PIGN: variants seen among roughly 807,000 people sequenced by gnomAD.
PIGN encodes the protein GPI ethanolamine phosphate transferase 1.
A neutral mutation model predicts 125.4 loss-of-function variants in PIGN; 117 were observed. The observed-to-expected ratio is 0.93, with a 90% CI of 0.80 to 1.09. The LOEUF (loss-of-function observed/expected upper bound fraction) is 1.09, where lower values mean the gene tolerates loss of function less well. Among genes scored for constraint, PIGN ranks in the 50% least tolerant of loss-of-function variants. PIGN has a pLI of 0.00. For missense variants in PIGN, 1,075 were observed against 1,094.9 expected (o/e 0.98, Z 0.26); for synonymous variants, 392 against 377.8 (o/e 1.04, Z -0.44).
At chr18:62,052,920 T>C in intron 30 of PIGN, 1 of 388,874 alleles carries the variant, frequency 2.6e-6, no homozygotes, top group Admixed American at 4.5e-5. Context: ...TCTCTCAGCA[T>C]TTGCTTGTCT....
rs2037846673 is a variant in PIGN at position 62,185,017 on chromosome 18, G to C, written c.-236+1827C>G. ...TCACAATAAATAATGAGTAGAATTG[G>C]GATCTGAACTTAAGCTTTTCTATCT... On this transcript the variant is annotated intron_variant, in intron 1 of 30. Transcript: ENST00000640252. Among the ~76,000 whole-genome samples, 2 of 152,110 alleles carry C rather than the reference G, an allele frequency of 1.3e-5. 1 individual carries two copies. The highest frequency in any genetic ancestry group is 4.1e-4 in the South Asian group (2 of 4,826).
At chr18:62,026,844 T>G (rs2030125245) in intron 23 of PIGN, among the ~76,000 whole-genome samples, 1 of 152,322 alleles carries the variant, frequency 6.6e-6, no homozygotes, top group African/African-American at 2.4e-5. Flanking sequence ...CCATGACTAC[T>G]GCAAATGTGC....
intron 14 of PIGN, among the ~76,000 whole-genome samples, chr18:62,124,147 T>C (rs569528322): frequency 4.6e-5 from 7 of 152,234 alleles, no homozygotes; most frequent in East Asian, 3.9e-4. Flanking sequence ...ACTATGTCTA[T>C]ATAATGAGCT....
At chr18:62,185,292 A>G (rs377369305) in intron 1 of PIGN, among the ~76,000 whole-genome samples, 2 of 152,300 alleles carry the variant, frequency 1.3e-5, no homozygotes, top group South Asian at 4.1e-4. Context: ...TGCCATTTCA[A>G]TTCTATTTGG....
At chr18:62,155,875 C>T (rs1203918120) in intron 6 of PIGN, among the ~76,000 whole-genome samples, 3 of 152,158 alleles carry the variant, frequency 2.0e-5, no homozygotes, top group African/African-American at 4.8e-5. Context: ...CCAAAGAAGG[C>T]AATATATAAA....
intron 23 of PIGN, among the ~76,000 whole-genome samples, chr18:62,033,932 C>T (rs1281323137): frequency 6.6e-6 from 1 of 152,190 alleles, no homozygotes; most frequent in Non-Finnish European, 1.5e-5. Context: ...AGTATTATCA[C>T]AGTATTACAG....
intron 1 of PIGN, among the ~76,000 whole-genome samples, chr18:62,172,758 A>G (rs2037384585): frequency 6.6e-6 from 1 of 152,214 alleles, no homozygotes; most frequent in East Asian, 1.9e-4. Flanking sequence ...TCCAAGGTTT[A>G]CTGAAGTAAC....
At chr18:62,167,275 T>TAG (rs2037174249) in intron 1 of PIGN, among the ~76,000 whole-genome samples, 2 of 145,546 alleles carry the variant, frequency 1.4e-5, no homozygotes, top group African/African-American at 5.3e-5. Context: ...TAGAGATATA[T>TAG]AGAGATATAT....
chr18:62,042,988 T>A lies in PIGN; in HGVS notation c.*2868A>T, dbSNP rs1234380523. 6.6e-6 allele frequency: 1 copy of A among 151,120 alleles called. No individual in the cohort carries two copies. The highest frequency in any genetic ancestry group is 1.9e-4 in the East Asian group (1 of 5,172). The allele number at this position is 151,120 out of a possible 1,614,324, so 9.4% of individuals were successfully genotyped here. A position where few individuals can be genotyped will look rare whatever the true frequency, so the allele number is the denominator to read the frequency against. On this transcript the variant is annotated 3_prime_UTR_variant, in exon 31 of 31. Transcript: ENST00000640252. ...GGAAAATGCTACAAAGATATTGCCA[T>A]AGTACTGAAAGCACACAGCATAACA...
chr18:62,105,377 A>T lies in PIGN; in HGVS notation c.1859+166T>A, dbSNP rs2034595648. 29 of 514,608 alleles carry T rather than the reference A, an allele frequency of 5.6e-5. No individual in the cohort carries two copies. In the South Asian group the frequency reaches 8.5e-4, roughly 15 times the overall value. The allele number at this position is 514,608 out of a possible 1,614,324, so 31.9% of individuals were successfully genotyped here. ...CCTACTAGGAGGTTTAATGACTCTT[A>T]GAACCTAGGCCAAAATCATGACTAA... On this transcript the variant is annotated intron_variant, in intron 20 of 30. Transcript: ENST00000640252.
chr18:62,044,815 A>G lies in PIGN; in HGVS notation c.*1041T>C, dbSNP rs1599382621. On this transcript the variant is annotated 3_prime_UTR_variant, in exon 31 of 31. Coordinates refer to ENST00000640252, the MANE Select transcript of PIGN (RefSeq NM_176787.5). ...CTAGCACACCACGGGCAAAAGGCCA[A>G]CTCTGCAGGGATATGTAAAGGTCAT... is the stretch of plus-strand genomic sequence containing the variant. 1 of 152,316 alleles carries G rather than the reference A, an allele frequency of 6.6e-6. No homozygotes were observed. 9.4% of individuals were successfully genotyped at this position (152,316 alleles called of 1,614,324 possible).
chr18:62,140,559 G>A (rs2147172688), intron 11 of PIGN, 80 bp from the exon 12 acceptor site: 1 of 687,086 alleles, frequency 1.5e-6, no homozygotes, highest in Non-Finnish European at 2.5e-6. Flanking sequence ...ACCATATTTT[G>A]GAAAATAACC....
chr18:62,019,326 A>G (rs2030023460), intron 23 of PIGN, among the ~76,000 whole-genome samples: 1 of 152,236 alleles, frequency 6.6e-6, no homozygotes, highest in Non-Finnish European at 1.5e-5. Context: ...AGAGATGGAC[A>G]TTATTTCCAA....
chr18:62,035,043 T>C (rs543354974), intron 23 of PIGN, among the ~76,000 whole-genome samples: 1 of 152,274 alleles, frequency 6.6e-6, no homozygotes, highest in Non-Finnish European at 1.5e-5. Context: ...GTTTCTCCTG[T>C]GCTGTTCTCA....
intron 4 of PIGN, among the ~76,000 whole-genome samples, chr18:62,160,488 T>C (rs556322069): frequency 2.0e-5 from 3 of 152,254 alleles, no homozygotes; most frequent in African/African-American, 7.2e-5. Context: ...TTTATGCTTG[T>C]CTTTATTTTG....
At chr18:62,179,644 G>A (rs1397045266) in intron 1 of PIGN, among the ~76,000 whole-genome samples, 2 of 152,142 alleles carry the variant, frequency 1.3e-5, no homozygotes, top group Admixed American at 6.5e-5. Flanking sequence ...TACTTGTGGG[G>A]CTGAGGCAGG....
chr18:62,083,807 C>T (rs1237822212), intron 27 of PIGN, among the ~76,000 whole-genome samples: 1 of 152,154 alleles, frequency 6.6e-6, no homozygotes, highest in Non-Finnish European at 1.5e-5. Context: ...CTTAAACTTC[C>T]ATTTGTATTA....
chr18:62,172,577 G>A (rs1001323466), intron 1 of PIGN, among the ~76,000 whole-genome samples: 6 of 151,908 alleles, frequency 3.9e-5, no homozygotes, highest in African/African-American at 1.5e-4. Context: ...AAATGCAAAT[G>A]TGCATTTGTA....
At chr18:62,049,235 G>A (rs1394940904) in intron 30 of PIGN, among the ~76,000 whole-genome samples, 1 of 152,138 alleles carries the variant, frequency 6.6e-6, no homozygotes, top group African/African-American at 2.4e-5. Flanking sequence ...GGATGGCTGG[G>A]TCAAATGGTA....
Sources: gnomAD v4.1 joint callset for allele counts (sites outside exome capture counted in the v4.1 genomes callset) on GRCh38, gnomAD v4.1.1 for gene constraint, MANE v1.5 for transcripts, NCBI Gene and HGNC (gene_info 2026-07-23, HGNC 2026-07-21) for gene names.